The following PDE7B variants were observed in gnomAD, a reference collection of about 807,000 sequenced individuals.
The protein encoded by PDE7B is phosphodiesterase 7B.
Under a neutral mutation model 56.2 loss-of-function variants are expected in PDE7B, and 29 were observed. The ratio of observed to expected loss-of-function variants is 0.52; its 90% CI spans 0.38 to 0.70. PDE7B has a LOEUF of 0.70. Among genes scored for constraint, PDE7B ranks in the 30% least tolerant of loss-of-function variants. The pLI, the probability that PDE7B is intolerant of heterozygous loss-of-function variation, is 0.00. For missense variants in PDE7B, 490 were observed against 565.0 expected (o/e 0.87, Z 1.35); for synonymous variants, 197 against 196.9 (o/e 1.00, Z 0.00).
At chr6:135,929,460 A>C (rs1774256667) in intron 1 of PDE7B, among the ~76,000 whole-genome samples, 1 of 152,202 alleles carries the variant, frequency 6.6e-6, no homozygotes, top group Admixed American at 6.5e-5. Context: ...TCAAAGACTT[A>C]GTCCAAAAAA....
At chr6:135,884,942 A>G (rs921551191) in intron 1 of PDE7B, among the ~76,000 whole-genome samples, 9 of 152,104 alleles carry the variant, frequency 5.9e-5, no homozygotes, top group Non-Finnish European at 1.2e-4. Flanking sequence ...CACCCATTAA[A>G]TTAAACGTCT....
At position 136,141,734 on chromosome 6, in the gene PDE7B, A is replaced by G. The variant is rs543713494; in HGVS notation, c.167-5617A>G. Among the ~76,000 whole-genome samples the G allele has an allele frequency of 2.0e-5, 3 of 152,004 alleles. No homozygotes were observed. In the East Asian group the frequency reaches 5.8e-4, roughly 29 times the overall value. The stretch of plus-strand genomic sequence containing the variant: ...CGAGGAATTTATCCATTTCTTCTAG[A>G]TTTTCTAGTTTATTTGCGTACAGGT... On this transcript the variant is annotated intron_variant, in intron 3 of 12. Transcript: ENST00000308191.
chr6:136,174,034 G>T (rs370769565), intron 9 of PDE7B, 146 bp downstream of exon 9: 1 of 634,254 alleles, frequency 1.6e-6, no homozygotes, highest in South Asian at 1.9e-5. Context: ...TATCAGAGGA[G>T]ATTTGGTGTC....
At chr6:136,069,715 TTTTG>T (rs1313586512) in intron 2 of PDE7B, among the ~76,000 whole-genome samples, 9 of 152,226 alleles carry the variant, frequency 5.9e-5, no homozygotes, top group African/African-American at 1.9e-4. Context: ...TATCTTCAAT[TTTTG>T]TTTGTTTTAA....
At chr6:136,174,448 G>A (rs1206364483) in intron 9 of PDE7B, among the ~76,000 whole-genome samples, 2 of 152,050 alleles carry the variant, frequency 1.3e-5, no homozygotes, top group African/African-American at 4.8e-5. Flanking sequence ...CTCATTTTCT[G>A]GTTCACTATT....
intron 3 of PDE7B, among the ~76,000 whole-genome samples, chr6:136,130,419 C>T (rs1466934063): frequency 2.0e-5 from 3 of 152,110 alleles, no homozygotes; most frequent in African/African-American, 7.2e-5. Context: ...TGCCTCTATG[C>T]CATGTGGAAA....
At chr6:136,156,379 G>T (rs946623069) in intron 8 of PDE7B, among the ~76,000 whole-genome samples, 1 of 152,008 alleles carries the variant, frequency 6.6e-6, no homozygotes, top group Non-Finnish European at 1.5e-5. Context: ...TAGGGACAAG[G>T]TCTCACTATG....
At chr6:135,852,106 AC>A (rs1353793047) in intron 1 of PDE7B, 87 bp downstream of exon 1, 1 of 889,898 alleles carries the variant, frequency 1.1e-6, no homozygotes, top group Non-Finnish European at 1.9e-6. Context: ...TTTAAAATGA[AC>A]CTGTACATAT....
At chr6:135,993,234 T>C (rs1219811890) in intron 2 of PDE7B, 1 of 152,164 alleles carries the variant, frequency 6.6e-6, no homozygotes, top group African/African-American at 2.4e-5. Context: ...AAGATAAACA[T>C]CAAAAGTTCA....
chr6:136,007,065 T>C (rs1775797768), intron 2 of PDE7B, among the ~76,000 whole-genome samples: 1 of 152,180 alleles, frequency 6.6e-6, no homozygotes, highest in East Asian at 1.9e-4. Flanking sequence ...TGGTTCTAAT[T>C]ATATTAAGGC....
At chr6:136,179,333 C>A (rs1192921089) in intron 10 of PDE7B, among the ~76,000 whole-genome samples, 192 bp downstream of exon 10, 2 of 151,990 alleles carry the variant, frequency 1.3e-5, no homozygotes, top group Non-Finnish European at 2.9e-5. Context: ...AGAGTGAGAT[C>A]CTGTCTCTAA....
chr6:135,992,814 C>T (rs1467487067), intron 2 of PDE7B, among the ~76,000 whole-genome samples: 2 of 152,154 alleles, frequency 1.3e-5, no homozygotes, highest in African/African-American at 4.8e-5. Context: ...TAACTCTGTT[C>T]CATAAGTGGG....
At chr6:135,906,332 T>C (rs952932033) in intron 1 of PDE7B, among the ~76,000 whole-genome samples, 2 of 152,238 alleles carry the variant, frequency 1.3e-5, no homozygotes, top group Admixed American at 1.3e-4. Flanking sequence ...GCAAAATCTT[T>C]ACCCGTTGAA....
chr6:136,132,913 C>T (rs1007300224), intron 3 of PDE7B, among the ~76,000 whole-genome samples: 4 of 152,068 alleles, frequency 2.6e-5, no homozygotes, highest in Non-Finnish European at 5.9e-5. Flanking sequence ...CCTAAGGTGC[C>T]ACTACAATCC....
chr6:136,109,231 T>C (rs1032010271), intron 3 of PDE7B, among the ~76,000 whole-genome samples: 23 of 152,056 alleles, frequency 1.5e-4, no homozygotes, highest in Admixed American at 1.2e-3. Flanking sequence ...AGCTACTTAA[T>C]TGGGGGCTGA....
chr6:136,151,612 C>T (rs1050325079), intron 6 of PDE7B, among the ~76,000 whole-genome samples: 1 of 152,036 alleles, frequency 6.6e-6, no homozygotes, highest in African/African-American at 2.4e-5. Flanking sequence ...TTTTTATGTT[C>T]TTTGTATTAT....
At chr6:135,911,959 T>A (rs892012613) in intron 1 of PDE7B, among the ~76,000 whole-genome samples, 5 of 152,216 alleles carry the variant, frequency 3.3e-5, no homozygotes, top group Non-Finnish European at 1.5e-5. Flanking sequence ...AAGTGGCCAC[T>A]GTGAGCCCAA....
At chr6:136,136,228 C>T (rs1465591442) in intron 3 of PDE7B, among the ~76,000 whole-genome samples, 1 of 152,088 alleles carries the variant, frequency 6.6e-6, no homozygotes, top group Non-Finnish European at 1.5e-5. Context: ...TTTAAAGCTG[C>T]ATATTGAAAA....
At chr6:136,165,158 G>A (rs928068572) in intron 8 of PDE7B, among the ~76,000 whole-genome samples, 2 of 152,214 alleles carry the variant, frequency 1.3e-5, no homozygotes, top group African/African-American at 2.4e-5. Context: ...TAGACACTAG[G>A]ATAGAAGTTT....
Sources: gnomAD v4.1 joint callset for allele counts (sites outside exome capture counted in the v4.1 genomes callset) on GRCh38, gnomAD v4.1.1 for gene constraint, MANE v1.5 for transcripts, NCBI Gene and HGNC (gene_info 2026-07-23, HGNC 2026-07-21) for gene names.